The following COL6A3 variants were observed in gnomAD, a reference collection of about 807,000 sequenced individuals.
COL6A3 encodes the protein collagen alpha-3(VI) chain.
In COL6A3, 137 loss-of-function variants were observed where a neutral mutation model predicts 274.1. The ratio of observed to expected loss-of-function variants is 0.50; its 90% CI spans 0.44 to 0.58. The LOEUF (loss-of-function observed/expected upper bound fraction) is 0.58. Among genes scored for constraint, COL6A3 ranks in the 20% least tolerant of loss-of-function variants. COL6A3 has a pLI of 0.00. For synonymous variants in COL6A3, 1,650 were observed against 1,650.6 expected (o/e 1.00, Z 0.01); for missense variants, 3,950 against 4,124.9 (o/e 0.96, Z 1.16).
rs11287247 is a variant in COL6A3, at chr2:237,363,143, GCCC to G, written c.6063+107_6063+109del. On this transcript the variant is annotated intron_variant, in intron 14 of 43. Coordinates refer to ENST00000295550, the MANE Select transcript of COL6A3 (RefSeq NM_004369.4). ...TAAATAAATTTAACTATCTACCAAG[GCCC>G]CCCCCCCACCTCCATTCACCTGCTG... is the stretch of plus-strand genomic sequence containing the variant. 2.6e-3 allele frequency: 2,373 copies of G among 913,680 alleles called. 37 individuals carry two copies. The East Asian group carries it at 0.035, about 13-fold the overall frequency. The allele number at this position is 913,680 out of a possible 1,614,324, so 56.6% of individuals were successfully genotyped here. A position where few individuals can be genotyped will look rare whatever the true frequency, so the allele number is the denominator to read the frequency against.
chr2:237,336,519 T>C lies in COL6A3; in HGVS notation c.8581A>G (p.Asn2861Asp). 1 of 1,614,212 alleles carries C rather than the reference T, an allele frequency of 6.2e-7. No homozygotes were observed. The highest frequency in any genetic ancestry group is 8.5e-7 in the Non-Finnish European group (1 of 1,180,020). The change falls in exon 40 of 44, where the codon AAC becomes GAC. Residue 2861 changes from asparagine to aspartate, a missense_variant. Asn to Asp is a conservative substitution (Grantham distance 23). Transcript: ENST00000295550. ...FGHKQVNVPN[N>D]VTSSPTSNPV... ...TTGGATGTAGGACTTGAAGTAACGT[T>C]ATTCGGAACATTTCTGTTAAGACAA...
At chr2:237,372,478 A>G (rs2077718994) in intron 8 of COL6A3, 141 bp from the exon 9 acceptor site, 2 of 1,505,344 alleles carry the variant, frequency 1.3e-6, no homozygotes, top group Non-Finnish European at 1.8e-6. Flanking sequence ...AAGAAGTGGG[A>G]GTCCTGGGCA....
chr2:237,367,046 C>T lies in COL6A3; in HGVS notation c.5141G>A (p.Gly1714Glu), dbSNP rs2077571702. 6.2e-7 allele frequency: 1 copy of T among 1,614,232 alleles called. No homozygotes were observed. The highest frequency in any genetic ancestry group is 8.5e-7 in the Non-Finnish European group (1 of 1,180,042). The change falls in exon 11 of 44, where the codon GGA (glycine) becomes GAA (glutamate). Residue 1714 changes from glycine (G) to glutamate (E), a missense_variant. Around this residue, in one of 5 missense-constraint regions of COL6A3, gnomAD observed 632 missense variants for 623.4 expected, o/e 1.01. Coordinates refer to ENST00000295550, the MANE Select transcript of COL6A3 (RefSeq NM_004369.4). The part of the protein sequence containing the change: ...DAINKVVYKG[G>E]RHANTKVGLE... ...GCCCACCTTAGTGTTGGCGTGTCTT[C>T]CCCCTTTGTAGACCACTTTGTTGAT...
At chr2:237,375,624 C>G (rs919177046) in intron 7 of COL6A3, among the ~76,000 whole-genome samples, 1 of 152,156 alleles carries the variant, frequency 6.6e-6, no homozygotes, top group Non-Finnish European at 1.5e-5. Flanking sequence ...CTCACTGCAA[C>G]CTCCGCCTCC....
intron 16 of COL6A3, among the ~76,000 whole-genome samples, chr2:237,360,457 G>A (rs570776014): frequency 6.6e-6 from 1 of 152,230 alleles, no homozygotes; most frequent in South Asian, 2.1e-4. Flanking sequence ...TGTGGGTGCT[G>A]AATCCCGGGA....
chr2:237,410,708 G>A (rs972431100), intron 1 of COL6A3, among the ~76,000 whole-genome samples: 1 of 152,138 alleles, frequency 6.6e-6, no homozygotes, highest in Admixed American at 6.5e-5. Flanking sequence ...GAATATCTCT[G>A]CAAAATCAGG....
intron 32 of COL6A3, among the ~76,000 whole-genome samples, chr2:237,345,659 T>C (rs1044113340): frequency 4.6e-5 from 7 of 152,182 alleles, no homozygotes; most frequent in African/African-American, 1.7e-4. Context: ...AGGGACTGAC[T>C]CGTGGCTTCC....
Position 237,340,953 on chromosome 2 carries a change from G to C in COL6A3, c.7963C>G (p.Pro2655Ala), listed in dbSNP as rs767471920. The change falls in exon 38 of 44, where the codon CCC (proline) becomes GCC (alanine). Residue 2655 changes from proline to alanine, a missense_variant. Around this residue, in one of 5 missense-constraint regions of COL6A3, gnomAD observed 1,284 missense variants for 1,349.7 expected, o/e 0.95. Transcript: ENST00000295550. ...LVRQLDMSPD[P>A]KASQHFARVA... The stretch of plus-strand genomic sequence containing the variant: ...CTGGCGAAGTGCTGGGAGGCCTTGG[G>C]ATCTGGGCTCATGTCCAGTTGTCTG... 1.4e-5 allele frequency: 22 copies of C among 1,614,098 alleles called. No individual in the cohort carries two copies. In the East Asian group the frequency reaches 4.5e-4, roughly 33 times the overall value.
At chr2:237,350,585 G>A (rs138976037) in intron 27 of COL6A3, among the ~76,000 whole-genome samples, 5 of 152,154 alleles carry the variant, frequency 3.3e-5, no homozygotes, top group African/African-American at 7.2e-5. Flanking sequence ...CAGTCTTTTC[G>A]GACTGGTTAT....
chr2:237,326,297 A>G (rs1323218618), intron 42 of COL6A3: 2 of 151,950 alleles, frequency 1.3e-5, no homozygotes, highest in African/African-American at 4.8e-5. Flanking sequence ...GGTAGCCAAG[A>G]GCCTTTGTGA....
At chr2:237,334,484 G>A (rs989103078) in intron 41 of COL6A3, 142 bp downstream of exon 41, 6 of 906,280 alleles carry the variant, frequency 6.6e-6, no homozygotes, top group South Asian at 1.5e-5. Flanking sequence ...CCCAGGCTGA[G>A]TTGTTTTGTT....
intron 8 of COL6A3, 48 bp from the exon 9 acceptor site, chr2:237,372,385 C>G (rs778235685): frequency 6.3e-7 from 1 of 1,599,984 alleles, no homozygotes; most frequent in Non-Finnish European, 8.5e-7. Context: ...TCACCAAATT[C>G]TTAGCGTTCA....
intron 8 of COL6A3, among the ~76,000 whole-genome samples, chr2:237,373,508 C>G (rs1385455798): frequency 6.6e-6 from 1 of 152,136 alleles, no homozygotes; most frequent in Non-Finnish European, 1.5e-5. Flanking sequence ...GAAACCAAGC[C>G]CCTCTCAGTT....
At chr2:237,357,151 G>A in intron 23 of COL6A3, 187 bp downstream of exon 23, 3 of 723,848 alleles carry the variant, frequency 4.1e-6, no homozygotes, top group Non-Finnish European at 7.6e-6. Flanking sequence ...GAATTGGGGA[G>A]AGAGAAGAGA....
chr2:237,355,130 C>T (rs1574968265), intron 23 of COL6A3, 196 bp from the exon 24 acceptor site: 1 of 529,132 alleles, frequency 1.9e-6, no homozygotes, highest in East Asian at 3.0e-5. Context: ...CACCCTTCCT[C>T]CACCCTCATC....
At chr2:237,325,877 C>T in intron 42 of COL6A3, 153 bp from the exon 43 acceptor site, 1 of 623,168 alleles carries the variant, frequency 1.6e-6, no homozygotes, top group South Asian at 2.0e-5. Flanking sequence ...CTCAAATCTC[C>T]ATTTCCTCAC....
In COL6A3 at chr2:237,367,278, T is replaced by C; in HGVS notation, c.4909A>G (p.Lys1637Glu). ...TCCAACAGGAACACAATGTCTGCTTTCTTCTTCTCTAGAAGTGATTAAAGT... is the reference window on the plus strand; with the variant it reads ...TCCAACAGGAACACAATGTCTGCTTCCTTCTTCTCTAGAAGTGATTAAAGT... ...TPPPSRPEKK[K>E]ADIVFLLDGS... The change falls in exon 11 of 44, where the codon AAA becomes GAA. Residue 1637 changes from lysine to glutamate, a missense_variant. Lys to Glu is a moderately conservative substitution (Grantham distance 56). Coordinates refer to ENST00000295550, the MANE Select transcript of COL6A3 (RefSeq NM_004369.4). The C allele has an allele frequency of 6.2e-7, 1 of 1,613,444 alleles. No homozygotes were observed. The highest frequency in any genetic ancestry group is 1.3e-5 in the African/African-American group (1 of 74,984).
chr2:237,354,973 A>C (rs1358237365), intron 23 of COL6A3, 39 bp from the exon 24 acceptor site: 1 of 1,602,242 alleles, frequency 6.2e-7, no homozygotes, highest in Non-Finnish European at 8.5e-7. Context: ...GAGGGGGAGC[A>C]TGGGACGCTG....
At chr2:237,363,603 A>C (rs1028571019) in intron 13 of COL6A3, among the ~76,000 whole-genome samples, 5 of 152,246 alleles carry the variant, frequency 3.3e-5, no homozygotes. Context: ...CGGTATGTCA[A>C]TAACTAAACC....
Sources: allele counts gnomAD v4.1 joint callset (sites outside exome capture counted in the v4.1 genomes callset), GRCh38; gene constraint gnomAD v4.1.1; regional missense constraint gnomAD v4.1.1; transcripts MANE v1.5; gene names NCBI Gene and HGNC (gene_info 2026-07-23, HGNC 2026-07-21).